PTPRT: variants seen among roughly 807,000 people sequenced by gnomAD.
PTPRT encodes the protein protein tyrosine phosphatase receptor type T.
PTPRT carries 56 observed loss-of-function variants against 176.8 expected under a neutral mutation model. The ratio of observed to expected loss-of-function variants is 0.32; its 90% CI spans 0.26 to 0.40. The LOEUF is 0.40. PTPRT is among the 10% of genes least tolerant of loss of function. The probability of loss-of-function intolerance (pLI) is 1.00; values close to 1 mark genes in which losing one functional copy is unlikely to be tolerated. For synonymous variants in PTPRT, 783 were observed against 739.0 expected (o/e 1.06, Z -0.96); for missense variants, 1,540 against 1,908.2 (o/e 0.81, Z 3.60).
chr20:42,351,967 C>T lies in PTPRT; in HGVS notation c.1762+117G>A, dbSNP rs901368213. 62 of 900,424 alleles carry T rather than the reference C, an allele frequency of 6.9e-5. No homozygotes were observed. The East Asian group carries it at 1.2e-3, about 17-fold the overall frequency. 55.8% of individuals were successfully genotyped at this position (900,424 alleles called of 1,614,324 possible). A position where few individuals can be genotyped will look rare whatever the true frequency, so the allele number is the denominator to read the frequency against. ...AATGGTAACTCACTAGGGACTGGAT[C>T]GTCCTAATTCCACCCATATCACAGG... is the stretch of plus-strand genomic sequence containing the variant. On this transcript the variant is annotated intron_variant, in intron 10 of 30. Transcript: ENST00000373187.
At chr20:42,101,276 G>C (rs940239458) in intron 26 of PTPRT, among the ~76,000 whole-genome samples, 6 of 152,198 alleles carry the variant, frequency 3.9e-5, no homozygotes, top group Non-Finnish European at 7.3e-5. Flanking sequence ...CTCTGTGTGT[G>C]GGCTGTGCCA....
chr20:42,260,683 G>T (rs1322171615), intron 13 of PTPRT, among the ~76,000 whole-genome samples: 1 of 152,130 alleles, frequency 6.6e-6, no homozygotes, highest in East Asian at 1.9e-4. Flanking sequence ...GGGACAGTCT[G>T]CAGGTCATGT....
At chr20:42,616,416 T>C (rs1204852344) in intron 7 of PTPRT, among the ~76,000 whole-genome samples, 1 of 123,296 alleles carries the variant, frequency 8.1e-6, no homozygotes, top group Non-Finnish European at 1.7e-5. Flanking sequence ...GACTTGGCGA[T>C]GCGGGCTCTT....
chr20:43,007,395 C>T (rs1419289486), intron 1 of PTPRT, among the ~76,000 whole-genome samples: 1 of 152,180 alleles, frequency 6.6e-6, no homozygotes, highest in South Asian at 2.1e-4. Flanking sequence ...TCTTATTATT[C>T]TGCTATCTTT....
In PTPRT at chr20:42,077,804, T is replaced by G; in HGVS notation, c.*3075A>C. The G allele has an allele frequency of 5.7e-6, 1 of 175,396 alleles. No individual in the cohort carries two copies. Among genetic ancestry groups the G allele is most frequent in the Non-Finnish European group, 1.1e-5 (1 of 89,954 alleles). The allele number at this position is 175,396 out of a possible 1,614,324, so 10.9% of individuals were successfully genotyped here. On this transcript the variant is annotated 3_prime_UTR_variant, in exon 31 of 31. Transcript: ENST00000373187. ...TGGCCCTTGCTGGGTTACCCCAACA[T>G]GGCCTGAGATTTTTTTTTTTTGCAA...
intron 19 of PTPRT, among the ~76,000 whole-genome samples, chr20:42,127,887 G>T (rs1004225474): frequency 6.6e-6 from 1 of 152,050 alleles, no homozygotes; most frequent in Non-Finnish European, 1.5e-5. Context: ...TTCTTCCCTC[G>T]GATCTGTCTT....
intron 7 of PTPRT, among the ~76,000 whole-genome samples, chr20:42,481,012 C>CTTCT (rs1380466034): frequency 6.7e-6 from 1 of 150,038 alleles, no homozygotes; most frequent in African/African-American, 2.5e-5. Context: ...TACTCTAAGG[C>CTTCT]AGAAGTAGGT....
chr20:42,792,391 G>A lies in PTPRT; in HGVS notation c.215-925C>T, dbSNP rs1311629238. 2.0e-5 allele frequency among the ~76,000 whole-genome samples: 3 copies of A among 152,100 alleles called. No homozygotes were observed. In the South Asian group the frequency reaches 6.2e-4, roughly 32 times the overall value. On this transcript the variant is annotated intron_variant, in intron 2 of 30. Transcript: ENST00000373187. ...CAGACTCATGAAAGAAACCATGAGG[G>A]GGTAAATTTCAGTTCAGTGTACAAA...
intron 1 of PTPRT, among the ~76,000 whole-genome samples, chr20:43,114,574 G>A (rs2012984596): frequency 6.6e-6 from 1 of 152,194 alleles, no homozygotes; most frequent in Non-Finnish European, 1.5e-5. Context: ...AATACATAGA[G>A]TTTGAGACAC....
chr20:42,267,050 A>T (rs2056850813), intron 13 of PTPRT, among the ~76,000 whole-genome samples: 1 of 152,226 alleles, frequency 6.6e-6, no homozygotes, highest in Non-Finnish European at 1.5e-5. Flanking sequence ...GATGATTGTG[A>T]ACCTAAGATA....
At chr20:42,114,598 C>T (rs1055051519) in intron 22 of PTPRT, among the ~76,000 whole-genome samples, 2 of 152,168 alleles carry the variant, frequency 1.3e-5, no homozygotes, top group Admixed American at 1.3e-4. Flanking sequence ...GGAGGCTGTC[C>T]TGTGCATTGT....
At chr20:42,323,324 G>A (rs1276928750) in intron 11 of PTPRT, among the ~76,000 whole-genome samples, 6 of 151,780 alleles carry the variant, frequency 4.0e-5, no homozygotes, top group African/African-American at 7.3e-5. Flanking sequence ...TGTTTATTGC[G>A]GCACTATTCA....
intron 2 of PTPRT, among the ~76,000 whole-genome samples, chr20:42,816,251 T>C (rs992413708): frequency 4.6e-5 from 7 of 152,158 alleles, no homozygotes; most frequent in African/African-American, 1.7e-4. Flanking sequence ...GGGGTGTAAG[T>C]AAAAGAGAGA....
chr20:42,949,267 C>T (rs555061766), intron 1 of PTPRT, among the ~76,000 whole-genome samples: 3 of 152,312 alleles, frequency 2.0e-5, no homozygotes, highest in South Asian at 2.1e-4. Flanking sequence ...CCCAATAGAA[C>T]GCAGTAGTAG....
At chr20:43,019,087 T>G (rs527471225) in intron 1 of PTPRT, among the ~76,000 whole-genome samples, 2 of 152,238 alleles carry the variant, frequency 1.3e-5, no homozygotes, top group South Asian at 2.1e-4. Context: ...TAGTACTGAG[T>G]AAATTATACT....
intron 12 of PTPRT, among the ~76,000 whole-genome samples, chr20:42,313,046 T>C (rs1386093828): frequency 6.6e-6 from 1 of 152,074 alleles, no homozygotes; most frequent in African/African-American, 2.4e-5. Context: ...AAGACCTTGC[T>C]ATAAAAACAG....
chr20:42,646,883 T>TG (rs2074915743), intron 7 of PTPRT, among the ~76,000 whole-genome samples: 1 of 55,758 alleles, frequency 1.8e-5, no homozygotes, highest in Non-Finnish European at 3.7e-5. Context: ...TAAGACAGCC[T>TG]TTTTTTTTTT....
chr20:42,617,066 G>A (rs1220968038), intron 7 of PTPRT, among the ~76,000 whole-genome samples: 1 of 136,872 alleles, frequency 7.3e-6, no homozygotes, highest in Non-Finnish European at 1.5e-5. Flanking sequence ...TATGATATTG[G>A]CTGTGGGTTT....
intron 4 of PTPRT, 127 bp from the exon 5 acceptor site, chr20:42,771,677 T>C: frequency 1.4e-6 from 1 of 705,476 alleles, no homozygotes; most frequent in Non-Finnish European, 2.5e-6. Flanking sequence ...GTAGCCCGGC[T>C]CAGTCAAGAT....
Sources: allele counts gnomAD v4.1 joint callset (sites outside exome capture counted in the v4.1 genomes callset), GRCh38; gene constraint gnomAD v4.1.1; transcripts MANE v1.5; gene names NCBI Gene and HGNC (gene_info 2026-07-23, HGNC 2026-07-21).